Variants in SART1 observed in about 807,000 individuals in gnomAD.
SART1 encodes the protein spliceosome associated factor 1, recruiter of U4/U6.U5 tri-snRNP.
SART1 carries 28 observed loss-of-function variants against 105.0 expected under a neutral mutation model. The observed-to-expected ratio is 0.27, with a 90% confidence interval of 0.20 to 0.37. The LOEUF (loss-of-function observed/expected upper bound fraction) is 0.37. Ranked by LOEUF, SART1 falls within the 10% of genes least tolerant of loss-of-function variation. The pLI is 1.00. For synonymous variants in SART1, 472 were observed against 462.9 expected (o/e 1.02, Z -0.25); for missense variants, 894 against 1,106.5 (o/e 0.81, Z 2.72).
intron 10 of SART1, 23 bp downstream of exon 10, chr11:65,967,406 G>A (rs1272732311): frequency 6.2e-6 from 10 of 1,613,832 alleles, no homozygotes; most frequent in African/African-American, 1.3e-5. Flanking sequence ...ACGGTGGTGG[G>A]GCGAGATGGC....
At chr11:65,975,494 TCTC>T (rs1484437532) in intron 12 of SART1, among the ~76,000 whole-genome samples, 1 of 148,422 alleles carries the variant, frequency 6.7e-6, no homozygotes, top group Non-Finnish European at 1.5e-5. Context: ...GCAGCCTTGA[TCTC>T]CCAAGCTCAA....
At chr11:65,968,239 T>G (rs772933100) in intron 12 of SART1, among the ~76,000 whole-genome samples, 3 of 152,220 alleles carry the variant, frequency 2.0e-5, no homozygotes, top group Non-Finnish European at 4.4e-5. Context: ...TGTGCCACCG[T>G]GCCCAGCCCT....
At position 65,961,828 on chromosome 11, in the gene SART1, G is replaced by C; in HGVS notation, c.48G>C (p.Thr16=). 6.4e-7 allele frequency: 1 copy of C among 1,566,920 alleles called. No homozygotes were observed. Among genetic ancestry groups the C allele is most frequent in the Non-Finnish European group, 8.6e-7 (1 of 1,162,348 alleles). Residue 16 remains threonine (T), a synonymous_variant, in exon 1 of 20, where the codon ACG becomes ACC. Coordinates refer to ENST00000312397, the MANE Select transcript of SART1 (RefSeq NM_005146.5). The stretch of plus-strand genomic sequence containing the variant: ...GCGGAGAGAAGGAGGCGGCCGGGAC[G>C]ACGGCGGCGGCCGGCACCGGGGGTG... ...KHRGEKEAAG[T]TAAAGTGGAT...
rs772193726 is a variant in SART1 at position 65,967,329 on chromosome 11, C to T, written c.1259C>T (p.Ala420Val). The T allele has an allele frequency of 9.3e-6, 15 of 1,614,030 alleles. No individual in the cohort carries two copies. The highest frequency in any genetic ancestry group is 1.3e-5 in the Non-Finnish European group (15 of 1,180,028). The stretch of plus-strand genomic sequence containing the variant: ...AAGGAGAAGGAGGTAGTAGTGCGGG[C>T]AGATGACTTGCTGCCTCTCGGGGAC... ...RKKEKEVVVR[A>V]DDLLPLGDQT... Residue 420 changes from alanine to valine, a missense_variant, in exon 10 of 20, where the codon GCA becomes GTA. Coordinates refer to ENST00000312397, the MANE Select transcript of SART1 (RefSeq NM_005146.5).
chr11:65,971,956 C>T (rs1052589391), intron 12 of SART1, among the ~76,000 whole-genome samples: 5 of 152,034 alleles, frequency 3.3e-5, no homozygotes, highest in African/African-American at 1.2e-4. Flanking sequence ...TAGTGTCTCA[C>T]TTTGTCACCC....
In SART1 at chr11:65,965,837, G is replaced by T. The variant is rs752006635; in HGVS notation, c.739-50G>T. ...CTGGTGGCCTTGCTACCGGAATCCC[G>T]AGGTTGGGTGCGTGGAGGGAGGTTC... On this transcript the variant is annotated intron_variant, in intron 6 of 19. Coordinates refer to ENST00000312397, the MANE Select transcript of SART1 (RefSeq NM_005146.5). 1.3e-5 allele frequency: 21 copies of T among 1,613,412 alleles called. 1 individual carries two copies. In the African/African-American group the frequency reaches 2.8e-4, roughly 22 times the overall value.
chr11:65,964,447 C>T, intron 2 of SART1, 68 bp from the exon 3 acceptor site: 1 of 1,570,142 alleles, frequency 6.4e-7, no homozygotes, highest in Non-Finnish European at 8.8e-7. Flanking sequence ...CTCCTCTTGT[C>T]TGTCTGGAAA....
chr11:65,976,609 G>T lies in SART1; in HGVS notation c.1746+41G>T, dbSNP rs537111180. The stretch of plus-strand genomic sequence containing the variant: ...CCCCGCCCTCTGCTTCCCTCGGCTG[G>T]GTGGGCTGGCTGGGGCCTGGGCCGA... On this transcript the variant is annotated intron_variant, in intron 13 of 19. Coordinates refer to ENST00000312397, the MANE Select transcript of SART1 (RefSeq NM_005146.5). This position sits in a 1 kb window ranked among gnomAD's most constrained non-coding sequence, Gnocchi z 5.1. 48 of 1,613,620 alleles carry T rather than the reference G, an allele frequency of 3.0e-5. No individual in the cohort carries two copies. In the South Asian group the frequency reaches 3.7e-4, roughly 13 times the overall value.
chr11:65,964,111 A>C lies in SART1; in HGVS notation c.351A>C (p.Ser117=). 1 of 1,613,070 alleles carries C rather than the reference A, an allele frequency of 6.2e-7. No individual in the cohort carries two copies. The highest frequency in any genetic ancestry group is 1.1e-5 in the South Asian group (1 of 91,060). The change falls in exon 2 of 20, where the codon TCA becomes TCC. Residue 117 remains serine, a synonymous_variant. Coordinates refer to ENST00000312397, the MANE Select transcript of SART1 (RefSeq NM_005146.5). ...AAACTAGCTCAGGCGATGCCTCCTC[A>C]CTCAGCATCGAGGAGACTAAGTGAG... The part of the protein sequence containing the change: ...SSKTSSGDAS[S]LSIEETNKLR...
In SART1 at chr11:65,978,744, GGT is replaced by G. The variant is rs2134925185; in HGVS notation, c.2263-43_2263-42del. On this transcript the variant is annotated intron_variant, in intron 18 of 19. Coordinates refer to ENST00000312397, the MANE Select transcript of SART1 (RefSeq NM_005146.5). The surrounding 1 kb of genome is among the most constrained non-coding windows in gnomAD (Gnocchi z 6.8). Reference sequence around the variant, plus strand: ...TGTGCCTGCCGGGGCAGGGGTGGCTGGTGTGTGGGGCCTGCTGCAGCCCTTTC... The same window carrying G: ...TGTGCCTGCCGGGGCAGGGGTGGCTGGTGTGGGGCCTGCTGCAGCCCTTTC... 2.5e-6 allele frequency: 4 copies of G among 1,613,758 alleles called. No individual in the cohort carries two copies. Among genetic ancestry groups the G allele is most frequent in the South Asian group, 1.1e-5 (1 of 91,066 alleles).
chr11:65,968,982 T>C (rs993044760), intron 12 of SART1, among the ~76,000 whole-genome samples: 2 of 152,068 alleles, frequency 1.3e-5, no homozygotes, highest in African/African-American at 4.8e-5. Context: ...CCCACACTTC[T>C]CACCTAGGAA....
intron 8 of SART1, 26 bp downstream of exon 8, chr11:65,966,244 G>C (rs542303302): frequency 2.5e-6 from 4 of 1,613,820 alleles, no homozygotes. Context: ...GCTGGGTGGC[G>C]GGGGCTGAGG....
chr11:65,977,479 C>T (rs1855505667), intron 15 of SART1, 84 bp from the exon 16 acceptor site: 1 of 1,159,590 alleles, frequency 8.6e-7, no homozygotes, highest in East Asian at 2.4e-5. Flanking sequence ...GAGGTGCCCC[C>T]ACAGGGCCTG....
chr11:65,974,950 G>A (rs1420439429), intron 12 of SART1, among the ~76,000 whole-genome samples: 1 of 151,984 alleles, frequency 6.6e-6, no homozygotes, highest in African/African-American at 2.4e-5. Context: ...TGAGGCAGGA[G>A]AATGCTGTGA....
At chr11:65,963,068 C>CTG (rs1361556108) in intron 1 of SART1, among the ~76,000 whole-genome samples, 3 of 151,800 alleles carry the variant, frequency 2.0e-5, no homozygotes, top group Non-Finnish European at 4.4e-5. Flanking sequence ...TGGATAAAGC[C>CTG]ATTGGGAGTC....
At chr11:65,964,211 C>A in intron 2 of SART1, 80 bp downstream of exon 2, 1 of 1,186,728 alleles carries the variant, frequency 8.4e-7, no homozygotes, top group Non-Finnish European at 1.2e-6. Flanking sequence ...GGCTTTCTCA[C>A]ATGAAAGTGT....
At position 65,976,721 on chromosome 11, in the gene SART1, C is replaced by T. The variant is rs376068517; in HGVS notation, c.1812C>T (p.Ile604=). 55 of 1,613,168 alleles carry T rather than the reference C, an allele frequency of 3.4e-5. 1 individual carries two copies. In the South Asian group the frequency reaches 4.5e-4, roughly 13 times the overall value. The change falls in exon 14 of 20, where the codon ATC becomes ATT. Residue 604 remains isoleucine (I), a synonymous_variant. Transcript: ENST00000312397. The surrounding 1 kb of genome is among the most constrained non-coding windows in gnomAD (Gnocchi z 5.1). ...GGSESDGEEN[I]GWSTVNLDEE... is the part of the protein sequence containing the mutation. Reference sequence around the variant, plus strand: ...CCGAATCTGACGGGGAGGAGAACATCGGCTGGAGCACGGTGAACCTGGACG... The same window carrying T: ...CCGAATCTGACGGGGAGGAGAACATTGGCTGGAGCACGGTGAACCTGGACG...
rs148394152 is a variant in SART1 at position 65,978,617 on chromosome 11, G to A, written c.2190G>A (p.Ser730=). 1.0e-3 allele frequency: 1,647 copies of A among 1,568,772 alleles called. 1 individual carries two copies. The highest frequency in any genetic ancestry group is 1.4e-3 in the Non-Finnish European group (1,608 of 1,156,958). The change falls in exon 18 of 20, where the codon TCG becomes TCA. Residue 730 remains serine (S), a synonymous_variant. Transcript: ENST00000312397. This position sits in a 1 kb window ranked among gnomAD's most constrained non-coding sequence, Gnocchi z 6.8. The part of the protein sequence containing the change: ...LTPKEAFRQL[S]HRFHGKGSGK... ...GTCCCCAGGCTTTCCGGCAGCTGTC[G>A]CACCGCTTCCATGGCAAGGGCTCAG... is the stretch of plus-strand genomic sequence containing the variant.
At chr11:65,977,969 C>T in intron 17 of SART1, 70 bp downstream of exon 17, 1 of 1,518,604 alleles carries the variant, frequency 6.6e-7, no homozygotes, top group South Asian at 1.2e-5. Flanking sequence ...CCATGCAATG[C>T]CCCGGGCCAT....
Sources: gnomAD v4.1 joint callset for allele counts (sites outside exome capture counted in the v4.1 genomes callset) on GRCh38, gnomAD v4.1.1 for gene constraint, Gnocchi (gnomAD v3.1) non-coding constraint, MANE v1.5 for transcripts, NCBI Gene and HGNC (gene_info 2026-07-23, HGNC 2026-07-21) for gene names.